Variants in EME2 observed in about 807,000 individuals in gnomAD.
EME2 encodes the protein structure-specific endonuclease subunit EME2.
A neutral mutation model predicts 41.9 loss-of-function variants in EME2; 58 were observed. The observed-to-expected ratio is 1.38, with a 90% CI of 1.12 to 1.72. The LOEUF is 1.72. Among genes scored for constraint, EME2 ranks in the 40% most tolerant of loss-of-function variants. EME2 has a pLI of 0.00. For synonymous variants in EME2, 334 were observed against 239.3 expected, an observed-to-expected ratio of 1.40 and a Z score of -3.65; for missense variants, 695 against 541.9, an observed-to-expected ratio of 1.28 and a Z score of -2.81.
chr16:1,778,549 G>T lies in EME2; in HGVS notation c.*2311G>T. 3.1e-6 allele frequency: 5 copies of T among 1,607,332 alleles called. No individual in the cohort carries two copies. The highest frequency in any genetic ancestry group is 4.3e-6 in the Non-Finnish European group (5 of 1,176,246). ...TCACAGAAGGACTCGCCGGTCACGG[G>T]CACCGCACTGGGGATGGATGGCGGC... On this transcript the variant is annotated 3_prime_UTR_variant, in exon 8 of 8. Transcript: ENST00000568449.
At chr16:1,774,848 C>T in intron 3 of EME2, 193 bp from the exon 4 acceptor site, 1 of 651,076 alleles carries the variant, frequency 1.5e-6, no homozygotes, top group Non-Finnish European at 2.7e-6. Context: ...ACTCCAGGGT[C>T]TCCTTAGCCT....
rs566247721 is a variant in EME2, at chr16:1,780,905, T to A, written c.*4667T>A. 3.3e-5 allele frequency: 11 copies of A among 332,178 alleles called. No homozygotes were observed. Among genetic ancestry groups the A allele is most frequent in the Admixed American group, 1.3e-4 (3 of 23,530 alleles). 20.6% of individuals were successfully genotyped at this position (332,178 alleles called of 1,614,324 possible). On this transcript the variant is annotated 3_prime_UTR_variant, in exon 8 of 8. Coordinates refer to ENST00000568449, the MANE Select transcript of EME2 (RefSeq NM_001257370.2). ...GTGCCACCACGCCTGACACATTTTTTAAATTTTTGTAGAGACAGTGTTTCA... is the reference window on the plus strand; with the variant it reads ...GTGCCACCACGCCTGACACATTTTTAAAATTTTTGTAGAGACAGTGTTTCA...
Position 1,773,747 on chromosome 16 carries a change from T to C in EME2, c.290T>C (p.Leu97Pro). Residue 97 changes from leucine (L) to proline (P), a missense_variant, in exon 2 of 8, where the codon CTG becomes CCG. Coordinates refer to ENST00000568449, the MANE Select transcript of EME2 (RefSeq NM_001257370.2). ...DAGADVLMEA[L>P]EALGCECRIE... Reference sequence around the variant, plus strand: ...GGTGCCGACGTCCTGATGGAGGCCCTGGAGGCCCTGGGCTGCGAGTGCCGC... The same window carrying C: ...GGTGCCGACGTCCTGATGGAGGCCCCGGAGGCCCTGGGCTGCGAGTGCCGC... The C allele has an allele frequency of 1.3e-6, 2 of 1,549,600 alleles. No homozygotes were observed. The highest frequency in any genetic ancestry group is 1.2e-5 in the South Asian group (1 of 84,092).
At chr16:1,776,042 C>G in intron 7 of EME2, 26 bp from the exon 8 acceptor site, 1 of 1,604,900 alleles carries the variant, frequency 6.2e-7, no homozygotes, top group Non-Finnish European at 8.5e-7. Flanking sequence ...CCCCAGGCGC[C>G]CTCTCATGCC....
At chr16:1,775,717 T>C (rs1183511750) in intron 6 of EME2, 33 bp downstream of exon 6, 2 of 1,612,636 alleles carry the variant, frequency 1.2e-6, no homozygotes, top group East Asian at 4.5e-5. Context: ...GGGGGCAGGA[T>C]CACCTCAAGG....
rs905908067 is a variant in EME2, at chr16:1,780,642, G to C, written c.*4404G>C. 6.3e-6 allele frequency: 1 copy of C among 159,624 alleles called. No homozygotes were observed. The highest frequency in any genetic ancestry group is 1.4e-5 in the Non-Finnish European group (1 of 71,900). The allele number at this position is 159,624 out of a possible 1,614,324, so 9.9% of individuals were successfully genotyped here. A position where few individuals can be genotyped will look rare whatever the true frequency, so the allele number is the denominator to read the frequency against. The stretch of plus-strand genomic sequence containing the variant: ...ACATATATGTGAACAAAGAGTATGC[G>C]TTTGTACTGGCAGAAGAAGCGTCTG... On this transcript the variant is annotated 3_prime_UTR_variant, in exon 8 of 8. Transcript: ENST00000568449.
chr16:1,777,778 T>G lies in EME2; in HGVS notation c.*1540T>G, dbSNP rs1474416041. 8 of 1,612,680 alleles carry G rather than the reference T, an allele frequency of 5.0e-6. No individual in the cohort carries two copies. The East Asian group carries it at 1.8e-4, about 36-fold the overall frequency. ...ACTTCCTGTTCTTGAAAAAGGTGAG[T>G]GTGCCGTGCCAGGTGTCCAGGTGCA... On this transcript the variant is annotated 3_prime_UTR_variant, in exon 8 of 8. Coordinates refer to ENST00000568449, the MANE Select transcript of EME2 (RefSeq NM_001257370.2).
chr16:1,778,505 C>T lies in EME2; in HGVS notation c.*2267C>T. The T allele has an allele frequency of 1.2e-6, 2 of 1,612,122 alleles. No homozygotes were observed. Among genetic ancestry groups the T allele is most frequent in the African/African-American group, 2.7e-5 (2 of 75,048 alleles). ...AGTGCAGGCTGCTACAGAAGGAGGC[C>T]TCGCTCTGCCCAGCACAGTCACAGA... On this transcript the variant is annotated 3_prime_UTR_variant, in exon 8 of 8. Coordinates refer to ENST00000568449, the MANE Select transcript of EME2 (RefSeq NM_001257370.2).
Position 1,776,070 on chromosome 16 carries a change from G to C in EME2, c.972G>C (p.Ala324=). The C allele has an allele frequency of 6.2e-7, 1 of 1,608,202 alleles. No homozygotes were observed. The highest frequency in any genetic ancestry group is 1.3e-5 in the African/African-American group (1 of 74,984). ...CTCATGCCTTTGCCTGCTCCTAGGC[G>C]CTGGAGGCCTGCAGCACGGAGCGGG... ...AFPSPRLLQQ[A]LEACSTERER... Residue 324 remains alanine, a splice_region_variant and synonymous_variant, in exon 8 of 8, where the codon GCG becomes GCC. Transcript: ENST00000568449.
rs1291942977 is a variant in EME2, at chr16:1,776,984, C to T, written c.*746C>T. 1.9e-5 allele frequency: 24 copies of T among 1,240,818 alleles called. No homozygotes were observed. Among genetic ancestry groups the T allele is most frequent in the Middle Eastern group, 3.9e-4 (2 of 5,086 alleles). 76.9% of individuals were successfully genotyped at this position (1,240,818 alleles called of 1,614,324 possible). ...GGAGCAAGAGATGGCTCCCTCCGGA[C>T]GGGCCTCATCCAACTCCGCCCTGGA... is the stretch of plus-strand genomic sequence containing the variant. On this transcript the variant is annotated 3_prime_UTR_variant, in exon 8 of 8. Transcript: ENST00000568449.
rs1287605821 is a variant in EME2, at chr16:1,775,321, C to T, written c.576C>T (p.Arg192=). Residue 192 remains arginine (R), a synonymous_variant, in exon 5 of 8, where the codon CGC becomes CGT. Coordinates refer to ENST00000568449, the MANE Select transcript of EME2 (RefSeq NM_001257370.2). ...VIGLDAYLWS[R]QHVSRGTQQP... is the part of the protein sequence containing the mutation. ...AATGGTCACCTCTGCTCAGGTCTCG[C>T]CAGCACGTTTCCCGGGGGACACAGC... 2.5e-6 allele frequency: 4 copies of T among 1,610,074 alleles called. No individual in the cohort carries two copies. The highest frequency in any genetic ancestry group is 3.4e-6 in the Non-Finnish European group (4 of 1,179,978).
chr16:1,777,335 AG>A lies in EME2; in HGVS notation c.*1100del, dbSNP rs1314302176. 6.2e-7 allele frequency: 1 copy of A among 1,608,748 alleles called. No homozygotes were observed. Among genetic ancestry groups the A allele is most frequent in the Admixed American group, 1.7e-5 (1 of 59,960 alleles). On this transcript the variant is annotated 3_prime_UTR_variant, in exon 8 of 8. Transcript: ENST00000568449. ...CAGGCGGTGGCAGCACAGGTACTGG[AG>A]GGAAGTGGCGCTGGCACAGGAGCGG...
chr16:1,774,490 C>A, intron 3 of EME2, 138 bp downstream of exon 3: 1 of 685,264 alleles, frequency 1.5e-6, no homozygotes, highest in Non-Finnish European at 2.5e-6. Context: ...CTCTCTGATC[C>A]AAAGCCGTAG....
rs1229698402 is a variant in EME2 at position 1,776,671 on chromosome 16, A to C, written c.*433A>C. 4 of 279,916 alleles carry C rather than the reference A, an allele frequency of 1.4e-5. No individual in the cohort carries two copies. Among genetic ancestry groups the C allele is most frequent in the African/African-American group, 2.2e-5 (1 of 45,258 alleles). 17.3% of individuals were successfully genotyped at this position (279,916 alleles called of 1,614,324 possible). On this transcript the variant is annotated 3_prime_UTR_variant, in exon 8 of 8. Coordinates refer to ENST00000568449, the MANE Select transcript of EME2 (RefSeq NM_001257370.2). ...CTGGGAGAAGGCCCAGGCTGCTCGC[A>C]AGCCCGGCCTCTGCACGGATACGTT...
Position 1,776,373 on chromosome 16 carries a change from GGGAA to G in EME2, c.*138_*141del. 1 of 777,718 alleles carries G rather than the reference GGGAA, an allele frequency of 1.3e-6. No homozygotes were observed. Among genetic ancestry groups the G allele is most frequent in the African/African-American group, 1.7e-5 (1 of 57,834 alleles). 48.2% of individuals were successfully genotyped at this position (777,718 alleles called of 1,614,324 possible). A position where few individuals can be genotyped will look rare whatever the true frequency, so the allele number is the denominator to read the frequency against. ...TCTGGCTGAGCAGGTCTGACCTCAG[GGGAA>G]GGGTGGGTGGTTGCAGGGGAAGTTT... On this transcript the variant is annotated 3_prime_UTR_variant, in exon 8 of 8. Coordinates refer to ENST00000568449, the MANE Select transcript of EME2 (RefSeq NM_001257370.2).
Position 1,778,809 on chromosome 16 carries a change from G to A in EME2, c.*2571G>A. The A allele has an allele frequency of 1.9e-6, 1 of 534,996 alleles. No homozygotes were observed. The highest frequency in any genetic ancestry group is 3.1e-6 in the Non-Finnish European group (1 of 319,918). The allele number at this position is 534,996 out of a possible 1,614,324, so 33.1% of individuals were successfully genotyped here. A position where few individuals can be genotyped will look rare whatever the true frequency, so the allele number is the denominator to read the frequency against. On this transcript the variant is annotated 3_prime_UTR_variant, in exon 8 of 8. Coordinates refer to ENST00000568449, the MANE Select transcript of EME2 (RefSeq NM_001257370.2). ...GCTCCGGCTCTGCCCCATTCTGCAT[G>A]ACCAGGAGGGCCCTGGAGGCCCAGC...
At chr16:1,774,535 C>T (rs545757134) in intron 3 of EME2, among the ~76,000 whole-genome samples, 183 bp downstream of exon 3, 68 of 152,372 alleles carry the variant, frequency 4.5e-4, no homozygotes, top group South Asian at 2.1e-3. Flanking sequence ...AGCTCCTGGG[C>T]ACCTGCGGAG....
At position 1,773,472 on chromosome 16, in the gene EME2, C is replaced by T; in HGVS notation, c.245C>T (p.Thr82Ile). The change falls in exon 1 of 8, where the codon ACA becomes ATA. Residue 82 changes from threonine (T) to isoleucine (I), a missense_variant and splice_region_variant. Coordinates refer to ENST00000568449, the MANE Select transcript of EME2 (RefSeq NM_001257370.2). ...AAGCGCCTCGCGGTGTGCGTGGACA[C>T]AGGTGCGGCGGAGGGCACGGGCGAT... ...VLKRLAVCVD[T>I]AILEDAGADV... 8.2e-6 allele frequency: 13 copies of T among 1,579,672 alleles called. No homozygotes were observed. Among genetic ancestry groups the T allele is most frequent in the Non-Finnish European group, 1.1e-5 (13 of 1,172,086 alleles).
chr16:1,781,182 AAG>A lies in EME2; in HGVS notation c.*4947_*4948del. 3 of 1,538,772 alleles carry A rather than the reference AAG, an allele frequency of 1.9e-6. No homozygotes were observed. The highest frequency in any genetic ancestry group is 2.6e-6 in the Non-Finnish European group (3 of 1,148,030). Reference sequence around the variant, plus strand: ...GCTGTGTGTGTCCTTTGCCAAATTAAAGAGTCTTACTGAATGCGGTGCATCCA... The same window carrying A: ...GCTGTGTGTGTCCTTTGCCAAATTAAAGTCTTACTGAATGCGGTGCATCCA... On this transcript the variant is annotated 3_prime_UTR_variant, in exon 8 of 8. Coordinates refer to ENST00000568449, the MANE Select transcript of EME2 (RefSeq NM_001257370.2).
Sources: allele counts gnomAD v4.1 joint callset (sites outside exome capture counted in the v4.1 genomes callset), GRCh38; gene constraint gnomAD v4.1.1; transcripts MANE v1.5; gene names NCBI Gene and HGNC (gene_info 2026-07-23, HGNC 2026-07-21).